AGBL4: variants seen among roughly 807,000 people sequenced by gnomAD.
AGBL4 encodes AGBL carboxypeptidase 4.
Under a neutral mutation model 66.4 loss-of-function variants are expected in AGBL4, and 58 were observed. The ratio of observed to expected loss-of-function variants is 0.87; its 90% CI spans 0.71 to 1.09. The LOEUF (loss-of-function observed/expected upper bound fraction) is 1.09, where lower values mean the gene tolerates loss of function less well. Among genes scored for constraint, AGBL4 ranks in the 50% least tolerant of loss-of-function variants. The probability of loss-of-function intolerance (pLI) is 0.00; values close to 1 mark genes in which losing one functional copy is unlikely to be tolerated. For missense variants in AGBL4, 579 were observed against 631.0 expected (o/e 0.92, Z 0.88); for synonymous variants, 234 against 222.9 (o/e 1.05, Z -0.44).
At chr1:49,053,397 A>G (rs1418113382) in intron 4 of AGBL4, among the ~76,000 whole-genome samples, 1 of 152,188 alleles carries the variant, frequency 6.6e-6, no homozygotes, top group African/African-American at 2.4e-5. Flanking sequence ...TAATACCTTC[A>G]GTTTCCAAAT....
At chr1:49,323,932 TG>T (rs2148480394) in intron 3 of AGBL4, among the ~76,000 whole-genome samples, 1 of 152,318 alleles carries the variant, frequency 6.6e-6, no homozygotes, top group South Asian at 2.1e-4. Flanking sequence ...ATATTTTAGT[TG>T]CTTTTTCCCT....
intron 6 of AGBL4, among the ~76,000 whole-genome samples, chr1:48,757,858 C>T (rs1414199023): frequency 6.6e-6 from 1 of 152,214 alleles, no homozygotes; most frequent in Admixed American, 6.5e-5. Flanking sequence ...GCAAAGCACA[C>T]TGACTCAGAG....
At chr1:48,578,115 ATAAACT>A (rs1439258698) in intron 11 of AGBL4, among the ~76,000 whole-genome samples, 1 of 152,198 alleles carries the variant, frequency 6.6e-6, no homozygotes, top group African/African-American at 2.4e-5. Context: ...GTATCTGGAA[ATAAACT>A]TAAAGATCAC....
At chr1:49,556,297 C>T (rs912826035) in intron 3 of AGBL4, among the ~76,000 whole-genome samples, 1 of 151,910 alleles carries the variant, frequency 6.6e-6, no homozygotes, top group Non-Finnish European at 1.5e-5. Context: ...CCAAACACCG[C>T]ATGTTCTCAC....
intron 5 of AGBL4, among the ~76,000 whole-genome samples, chr1:48,877,953 C>A (rs1280837987): frequency 6.6e-6 from 1 of 152,152 alleles, no homozygotes; most frequent in African/African-American, 2.4e-5. Context: ...ATCTCTCTCT[C>A]ATTTTCGCAT....
chr1:49,601,399 C>T (rs1644955291), intron 3 of AGBL4, among the ~76,000 whole-genome samples: 1 of 151,598 alleles, frequency 6.6e-6, no homozygotes, highest in South Asian at 2.1e-4. Flanking sequence ...TCTCTGATAT[C>T]CTTTCTTCCA....
rs72891821 is a variant in AGBL4, at chr1:48,855,742, A to G, written c.634+11449T>C. Reference sequence around the variant, plus strand: ...ACATCTAGAAATAACATAATGCACAACAATAGAACTTTTTTTTTTGCAAAT... The same window carrying G: ...ACATCTAGAAATAACATAATGCACAGCAATAGAACTTTTTTTTTTGCAAAT... On this transcript the variant is annotated intron_variant, in intron 6 of 13. Transcript: ENST00000371839. Among the ~76,000 whole-genome samples the G allele has an allele frequency of 1.5e-3, 235 of 151,660 alleles. 4 individuals are homozygous for G. The highest frequency in any genetic ancestry group is 5.6e-3 in the African/African-American group (228 of 40,966).
chr1:49,361,969 C>T (rs1408819135), intron 3 of AGBL4, among the ~76,000 whole-genome samples: 1 of 152,122 alleles, frequency 6.6e-6, no homozygotes, highest in Non-Finnish European at 1.5e-5. Context: ...AAACAGATCT[C>T]TTTGATTTCC....
intron 5 of AGBL4, among the ~76,000 whole-genome samples, chr1:48,914,754 G>C (rs1191080997): frequency 6.6e-6 from 1 of 152,174 alleles, no homozygotes; most frequent in African/African-American, 2.4e-5. Flanking sequence ...GAGAGACTTT[G>C]CCTGCACTCA....
At chr1:49,462,891 G>A (rs1646546267) in intron 3 of AGBL4, among the ~76,000 whole-genome samples, 1 of 151,660 alleles carries the variant, frequency 6.6e-6, no homozygotes, top group African/African-American at 2.4e-5. Flanking sequence ...ATGGCAATAA[G>A]GTTACTTGAA....
intron 5 of AGBL4, among the ~76,000 whole-genome samples, chr1:48,910,973 T>A (rs115711109): frequency 6.6e-6 from 1 of 152,176 alleles, no homozygotes; most frequent in Non-Finnish European, 1.5e-5. Flanking sequence ...CAGACCTGCA[T>A]GTGGCTTTGT....
intron 1 of AGBL4, among the ~76,000 whole-genome samples, chr1:49,948,570 T>C (rs781199609): frequency 2.7e-5 from 3 of 109,534 alleles, no homozygotes; most frequent in Non-Finnish European, 5.3e-5. Context: ...TAAAAATATA[T>C]ATATATATAT....
At chr1:49,571,289 T>C (rs1306367956) in intron 3 of AGBL4, among the ~76,000 whole-genome samples, 1 of 152,032 alleles carries the variant, frequency 6.6e-6, no homozygotes, top group Non-Finnish European at 1.5e-5. Flanking sequence ...GTTTTCCTTA[T>C]AGAAATTTTT....
chr1:49,479,314 A>G (rs533258675), intron 3 of AGBL4, among the ~76,000 whole-genome samples: 9 of 151,876 alleles, frequency 5.9e-5, no homozygotes, highest in Non-Finnish European at 1.3e-4. Flanking sequence ...TTTTATTTTA[A>G]GTTCAGGGGT....
At chr1:48,601,759 T>C (rs1023187237) in intron 9 of AGBL4, among the ~76,000 whole-genome samples, 4 of 152,124 alleles carry the variant, frequency 2.6e-5, no homozygotes, top group African/African-American at 9.7e-5. Flanking sequence ...AAATTATGAG[T>C]TGAGATGGGA....
At chr1:49,469,710 G>A (rs985706949) in intron 3 of AGBL4, 12 of 151,882 alleles carry the variant, frequency 7.9e-5, no homozygotes, top group African/African-American at 2.9e-4. Context: ...CATTGAACCA[G>A]TTCTTTCAAA....
chr1:49,105,237 G>A (rs565237215), intron 4 of AGBL4, among the ~76,000 whole-genome samples: 29 of 152,232 alleles, frequency 1.9e-4, no homozygotes, highest in Admixed American at 3.3e-4. Context: ...GCAGTGAAAC[G>A]GAACTGTAGA....
chr1:48,608,342 C>A (rs950596207), intron 9 of AGBL4, among the ~76,000 whole-genome samples: 1 of 152,168 alleles, frequency 6.6e-6, no homozygotes, highest in Non-Finnish European at 1.5e-5. Flanking sequence ...AAGAAGGGAT[C>A]TTCTAAGCCA....
intron 3 of AGBL4, among the ~76,000 whole-genome samples, chr1:49,681,168 C>T (rs1021920869): frequency 6.6e-6 from 1 of 152,032 alleles, no homozygotes; most frequent in African/African-American, 2.4e-5. Context: ...CTTTAAAAAC[C>T]TCAGCAGATA....
Sources: gnomAD v4.1 joint callset for allele counts (sites outside exome capture counted in the v4.1 genomes callset) on GRCh38, gnomAD v4.1.1 for gene constraint, MANE v1.5 for transcripts, NCBI Gene and HGNC (gene_info 2026-07-23, HGNC 2026-07-21) for gene names.